POLR3E: variants seen among roughly 807,000 people sequenced by gnomAD.
POLR3E encodes RNA polymerase III subunit E, also known as DNA-directed RNA polymerase III subunit RPC5.
In POLR3E, 41 loss-of-function variants were observed where a neutral mutation model predicts 96.6. That is an observed-to-expected ratio of 0.42 (90% CI 0.33 to 0.55). POLR3E has a LOEUF of 0.55. POLR3E is among the 20% of genes least tolerant of loss of function. POLR3E has a pLI of 0.06. For missense variants in POLR3E, 849 were observed against 952.1 expected (o/e 0.89, Z 1.43); for synonymous variants, 396 against 383.6 (o/e 1.03, Z -0.38).
At chr16:22,332,308 C>G in intron 20 of POLR3E, 123 bp downstream of exon 20, 1 of 847,796 alleles carries the variant, frequency 1.2e-6, no homozygotes, top group Non-Finnish European at 1.8e-6. Context: ...ACTCCCCAGT[C>G]AGTCTTGTCT....
In POLR3E at chr16:22,313,777, G is replaced by C. The variant is rs779552735; in HGVS notation, c.472+50G>C. 1 of 1,278,646 alleles carries C rather than the reference G, an allele frequency of 7.8e-7. No homozygotes were observed. The highest frequency in any genetic ancestry group is 1.9e-4 in the Middle Eastern group (1 of 5,136). The allele number at this position is 1,278,646 out of a possible 1,614,324, so 79.2% of individuals were successfully genotyped here. On this transcript the variant is annotated intron_variant, in intron 7 of 20. Coordinates refer to ENST00000299853, the MANE Select transcript of POLR3E (RefSeq NM_018119.4). The surrounding 1 kb of genome is among the most constrained non-coding windows in gnomAD (Gnocchi z 4.1). ...CTGCCTGCCTGCCTTCATCCTGGTG[G>C]GATGGCTTGGTCCTGGGAAGAGGGA...
In POLR3E at chr16:22,332,061, A is replaced by T; in HGVS notation, c.1946A>T (p.His649Leu). Reference sequence around the variant, plus strand: ...CATAACGTGTTTTTGCTACTAAAGCATCGACAGGTTTTGCTTGAAATTTTT... The same window carrying T: ...CATAACGTGTTTTTGCTACTAAAGCTTCGACAGGTTTTGCTTGAAATTTTT... ...LWESGDMSDQ[H>L]RQVLLEIFSK... The change falls in exon 20 of 21, where the codon CAT becomes CTT. Residue 649 changes from histidine to leucine, a missense_variant and splice_region_variant. Transcript: ENST00000299853. The T allele has an allele frequency of 6.2e-7, 1 of 1,613,680 alleles. No individual in the cohort carries two copies. The highest frequency in any genetic ancestry group is 8.5e-7 in the Non-Finnish European group (1 of 1,179,804).
At chr16:22,314,885 G>T in intron 8 of POLR3E, 1 of 487,814 alleles carries the variant, frequency 2.0e-6, no homozygotes, top group Non-Finnish European at 3.7e-6. Context: ...GCAGGCACGA[G>T]CAAGTATAAG....
At chr16:22,331,978 T>G (rs1355138096) in intron 19 of POLR3E, 82 bp from the exon 20 acceptor site, 1 of 1,421,518 alleles carries the variant, frequency 7.0e-7, no homozygotes, top group Non-Finnish European at 9.7e-7. Context: ...CAAAGTCAGG[T>G]GCATGGCTTG....
Position 22,314,134 on chromosome 16 carries a change from C to T in POLR3E, c.522+6C>T. The T allele has an allele frequency of 1.2e-6, 2 of 1,612,794 alleles. No homozygotes were observed. The highest frequency in any genetic ancestry group is 2.2e-5 in the South Asian group (2 of 91,038). On this transcript the variant is annotated splice_donor_region_variant and intron_variant, in intron 8 of 20. Coordinates refer to ENST00000299853, the MANE Select transcript of POLR3E (RefSeq NM_018119.4). ...ACGATGTTAAGCAGATCACGGTGAG[C>T]CCTGGCCCCTGGAGGAGGAGGGTGC... is the stretch of plus-strand genomic sequence containing the variant.
rs1271358249 is a variant in POLR3E at position 22,322,097 on chromosome 16, GAGCCAC to G, written c.987-751_987-746del. ...GTACCTTCGCTGTGGTGGCAGCGAT[GAGCCAC>G]ATCGGCAGAGTCCGTGTCCCCACAG... On this transcript the variant is annotated intron_variant, in intron 13 of 20. Transcript: ENST00000299853. This position sits in a 1 kb window ranked among gnomAD's most constrained non-coding sequence, Gnocchi z 5.2. 6.6e-6 allele frequency among the ~76,000 whole-genome samples: 1 copy of G among 152,212 alleles called. No homozygotes were observed. The highest frequency in any genetic ancestry group is 1.5e-5 in the Non-Finnish European group (1 of 68,032).
At chr16:22,308,851 G>A in intron 4 of POLR3E, 74 bp from the exon 5 acceptor site, 1 of 956,050 alleles carries the variant, frequency 1.0e-6, no homozygotes, top group South Asian at 1.4e-5. Flanking sequence ...GGTGGCCATG[G>A]TGGGGTTGGG....
intron 12 of POLR3E, 71 bp downstream of exon 12, chr16:22,317,277 C>A: frequency 2.7e-6 from 3 of 1,109,598 alleles, no homozygotes; most frequent in Non-Finnish European, 4.1e-6. Flanking sequence ...CTCTGTGGGA[C>A]AGTGAGGACC....
At chr16:22,316,740 G>T in intron 10 of POLR3E, 54 bp downstream of exon 10, 2 of 1,418,724 alleles carry the variant, frequency 1.4e-6, no homozygotes, top group Admixed American at 3.4e-5. Flanking sequence ...GGTCCCCAGG[G>T]GTCCTTGGTG....
intron 16 of POLR3E, 83 bp downstream of exon 16, chr16:22,324,743 G>A: frequency 6.9e-7 from 1 of 1,455,590 alleles, no homozygotes; most frequent in Non-Finnish European, 9.6e-7. Flanking sequence ...GTGGATCCGA[G>A]CAATCTCTAG....
chr16:22,328,527 T>A lies in POLR3E; in HGVS notation c.1884T>A (p.Ala628=). The part of the protein sequence containing the change: ...QILVPFPPQT[A]ASPDEQKVFA... ...TTGGTCAGTTTCCCCCCCAGACTGC[T>A]GCTTCCCCGGATGAGCAGAAGGTGT... The change falls in exon 19 of 21, where the codon GCT becomes GCA. Residue 628 remains alanine, a synonymous_variant. Coordinates refer to ENST00000299853, the MANE Select transcript of POLR3E (RefSeq NM_018119.4). 1.2e-6 allele frequency: 2 copies of A among 1,614,032 alleles called. No individual in the cohort carries two copies. Among genetic ancestry groups the A allele is most frequent in the Non-Finnish European group, 1.7e-6 (2 of 1,179,938 alleles).
At chr16:22,310,139 G>T (rs2048215133) in intron 6 of POLR3E, 1 of 153,532 alleles carries the variant, frequency 6.5e-6, no homozygotes. Flanking sequence ...TTACGTCTCA[G>T]TCAGCGACCG....
At chr16:22,330,147 C>T (rs994849316) in intron 19 of POLR3E, among the ~76,000 whole-genome samples, 6 of 151,744 alleles carry the variant, frequency 4.0e-5, no homozygotes, top group Admixed American at 2.0e-4. Flanking sequence ...CATCTCAGCT[C>T]ACGCCTCTTG....
rs1373348028 is a variant in POLR3E at position 22,322,542 on chromosome 16, G to A, written c.987-308G>A. Among the ~76,000 whole-genome samples the A allele has an allele frequency of 1.3e-5, 2 of 152,140 alleles. No homozygotes were observed. The highest frequency in any genetic ancestry group is 2.9e-5 in the Non-Finnish European group (2 of 68,028). ...CCTGGGCTCCTTGAGGTCCCGGGCT[G>A]TTCCTCACCTTGTCTGTCTCTGAGC... On this transcript the variant is annotated intron_variant, in intron 13 of 20. Transcript: ENST00000299853. This position sits in a 1 kb window ranked among gnomAD's most constrained non-coding sequence, Gnocchi z 5.2.
chr16:22,316,963 C>T, intron 10 of POLR3E, 32 bp from the exon 11 acceptor site: 2 of 1,612,612 alleles, frequency 1.2e-6, no homozygotes, highest in Non-Finnish European at 1.7e-6. Flanking sequence ...CTGGATCAGC[C>T]CTGAGCCTCT....
At chr16:22,333,456 A>C in intron 20 of POLR3E, among the ~76,000 whole-genome samples, 188 bp from the exon 21 acceptor site, 1 of 151,624 alleles carries the variant, frequency 6.6e-6, no homozygotes. Flanking sequence ...CTGTTTCAAA[A>C]AAAAAAAAAA....
At chr16:22,309,757 C>T (rs576065754) in intron 6 of POLR3E, 81 of 566,694 alleles carry the variant, frequency 1.4e-4, no homozygotes, top group Non-Finnish European at 2.4e-4. Context: ...TTTGTCCTCC[C>T]GGGACACAGA....
At chr16:22,324,906 T>C (rs1057044680) in intron 16 of POLR3E, among the ~76,000 whole-genome samples, 7 of 152,064 alleles carry the variant, frequency 4.6e-5, no homozygotes, top group African/African-American at 1.7e-4. Context: ...CAGTACCTGC[T>C]CATCAGGGTG....
chr16:22,311,788 A>C (rs2048253278), intron 6 of POLR3E, among the ~76,000 whole-genome samples: 1 of 151,952 alleles, frequency 6.6e-6, no homozygotes, highest in South Asian at 2.1e-4. Context: ...GAGCCACTGC[A>C]CCCAGCCTAG....
Sources: gnomAD v4.1 joint callset for allele counts (sites outside exome capture counted in the v4.1 genomes callset) on GRCh38, gnomAD v4.1.1 for gene constraint, Gnocchi (gnomAD v3.1) non-coding constraint, MANE v1.5 for transcripts, NCBI Gene and HGNC (gene_info 2026-07-23, HGNC 2026-07-21) for gene names.